GRID1: variants seen among roughly 807,000 people sequenced by gnomAD.
The protein encoded by GRID1 is glutamate receptor ionotropic, delta-1.
GRID1 carries 28 observed loss-of-function variants against 98.0 expected under a neutral mutation model. The observed-to-expected ratio is 0.29, with a 90% CI of 0.21 to 0.39. The LOEUF (loss-of-function observed/expected upper bound fraction) is 0.39. Among genes scored for constraint, GRID1 ranks in the 10% least tolerant of loss-of-function variants. GRID1 has a pLI of 1.00. For synonymous variants in GRID1, 553 were observed against 538.5 expected, an observed-to-expected ratio of 1.03 and a Z score of -0.37; for missense variants, 1,111 against 1,340.5, an observed-to-expected ratio of 0.83 and a Z score of 2.67.
At chr10:86,241,866 G>T (rs532859471) in intron 2 of GRID1, among the ~76,000 whole-genome samples, 1 of 152,094 alleles carries the variant, frequency 6.6e-6, no homozygotes, top group Non-Finnish European at 1.5e-5. Flanking sequence ...TCAGAGCCCC[G>T]GGTATTTTGC....
intron 4 of GRID1, among the ~76,000 whole-genome samples, chr10:86,025,340 C>T (rs1038910936): frequency 2.0e-5 from 3 of 152,222 alleles, no homozygotes; most frequent in African/African-American, 7.2e-5. Context: ...GCTATCAAAA[C>T]TATGCAGCTC....
chr10:85,828,134 A>G (rs1288761364), intron 8 of GRID1, among the ~76,000 whole-genome samples: 1 of 152,178 alleles, frequency 6.6e-6, no homozygotes, highest in African/African-American at 2.4e-5. Context: ...TAAGAAAATC[A>G]TTCAAAAACC....
chr10:85,733,417 G>C (rs1212773685), intron 8 of GRID1, among the ~76,000 whole-genome samples: 1 of 152,198 alleles, frequency 6.6e-6, no homozygotes, highest in Admixed American at 6.5e-5. Flanking sequence ...TGTAACTGGA[G>C]AAGAAGATGG....
At chr10:85,638,730 C>G in intron 13 of GRID1, among the ~76,000 whole-genome samples, 1 of 152,082 alleles carries the variant, frequency 6.6e-6, no homozygotes, top group Non-Finnish European at 1.5e-5. Flanking sequence ...GAATATAAAT[C>G]AGCAATGAGA....
intron 4 of GRID1, among the ~76,000 whole-genome samples, chr10:86,042,275 G>T (rs1429967346): frequency 6.6e-6 from 1 of 152,222 alleles, no homozygotes; most frequent in African/African-American, 2.4e-5. Flanking sequence ...TCAGCTGAGA[G>T]AAGTCAGCCT....
At chr10:86,335,571 A>G (rs1381964733) in intron 2 of GRID1, among the ~76,000 whole-genome samples, 3 of 152,320 alleles carry the variant, frequency 2.0e-5, no homozygotes, top group East Asian at 1.9e-4. Flanking sequence ...ACAGAATTCA[A>G]TCTGGGACAT....
intron 8 of GRID1, among the ~76,000 whole-genome samples, chr10:85,839,299 T>C (rs1112487): frequency 0.15 from 22,491 of 152,170 alleles, 1,934 homozygotes; most frequent in African/African-American, 0.21. Flanking sequence ...AACTTATGGA[T>C]ATCTACAGAC....
chr10:86,030,181 A>C (rs1843167358), intron 4 of GRID1, among the ~76,000 whole-genome samples: 1 of 152,256 alleles, frequency 6.6e-6, no homozygotes, highest in African/African-American at 2.4e-5. Context: ...TATGTAAAGA[A>C]GGTTATAAAG....
At chr10:86,305,934 C>T (rs1051714341) in intron 2 of GRID1, among the ~76,000 whole-genome samples, 24 of 152,330 alleles carry the variant, frequency 1.6e-4, no homozygotes, top group African/African-American at 3.8e-4. Flanking sequence ...GACCTTGATA[C>T]AAGACATTTA....
chr10:85,744,677 C>A (rs1841981541), intron 8 of GRID1, among the ~76,000 whole-genome samples: 1 of 79,790 alleles, frequency 1.3e-5, no homozygotes, highest in African/African-American at 5.5e-5. Context: ...ACTTCATGTC[C>A]AAAACACCAA....
chr10:85,978,533 T>G (rs1435254873), intron 4 of GRID1, among the ~76,000 whole-genome samples: 1 of 152,100 alleles, frequency 6.6e-6, no homozygotes, highest in African/African-American at 2.4e-5. Flanking sequence ...ACTGATCACA[T>G]TACCAGGAAG....
Position 86,288,788 on chromosome 10 carries a change from G to A in GRID1, c.235+75153C>T, listed in dbSNP as rs115253997. On this transcript the variant is annotated intron_variant, in intron 2 of 15. Transcript: ENST00000327946. Reference sequence around the variant, plus strand: ...TTCAGTGTGCAGAGACGGCCAGAGCGCTTCTATGAGCAGGGCCGACTGGCT... The same window carrying A: ...TTCAGTGTGCAGAGACGGCCAGAGCACTTCTATGAGCAGGGCCGACTGGCT... Among the ~76,000 whole-genome samples, 779 of 152,322 alleles carry A rather than the reference G, an allele frequency of 5.1e-3. 8 individuals carry two copies. The highest frequency in any genetic ancestry group is 0.018 in the African/African-American group (742 of 41,574).
intron 6 of GRID1, among the ~76,000 whole-genome samples, chr10:85,862,132 C>G (rs965328447): frequency 6.6e-6 from 1 of 152,182 alleles, no homozygotes; most frequent in African/African-American, 2.4e-5. Context: ...GGCCTCTGAG[C>G]CTGTGCACAT....
chr10:85,855,425 G>T (rs542821163), intron 7 of GRID1, among the ~76,000 whole-genome samples: 1 of 152,162 alleles, frequency 6.6e-6, no homozygotes, highest in Non-Finnish European at 1.5e-5. Context: ...GCCCAGAAGG[G>T]GCCCTGGCTC....
At position 86,364,244 on chromosome 10, in the gene GRID1, G is replaced by C. The variant is rs1848644634; in HGVS notation, c.80-148C>G. 4 of 647,890 alleles carry C rather than the reference G, an allele frequency of 6.2e-6. No homozygotes were observed. The South Asian group carries it at 7.4e-5, about 12-fold the overall frequency. 40.1% of individuals were successfully genotyped at this position (647,890 alleles called of 1,614,324 possible). A position where few individuals can be genotyped will look rare whatever the true frequency, so the allele number is the denominator to read the frequency against. ...TTTCAGCTTGGCGGGGTAGATTAAG[G>C]CTCTCCGATCTCCACCTGCACAGGA... On this transcript the variant is annotated intron_variant, in intron 1 of 15. Transcript: ENST00000327946.
chr10:86,333,526 T>G (rs1193967468), intron 2 of GRID1, among the ~76,000 whole-genome samples: 3 of 152,208 alleles, frequency 2.0e-5, no homozygotes, highest in Non-Finnish European at 4.4e-5. Flanking sequence ...GAAAGTACAG[T>G]TGACACTTGA....
chr10:86,055,238 T>C (rs532868006), intron 4 of GRID1, among the ~76,000 whole-genome samples: 32 of 152,328 alleles, frequency 2.1e-4, no homozygotes, highest in Non-Finnish European at 4.1e-4. Flanking sequence ...CACTGCATTA[T>C]TATGGCAATA....
intron 5 of GRID1, among the ~76,000 whole-genome samples, chr10:85,894,178 A>G (rs1330359221): frequency 6.6e-6 from 1 of 152,212 alleles, no homozygotes; most frequent in African/African-American, 2.4e-5. Flanking sequence ...CACATACTGA[A>G]GGGCAATTGA....
chr10:86,096,928 C>G (rs540862497), intron 4 of GRID1, among the ~76,000 whole-genome samples: 5 of 152,288 alleles, frequency 3.3e-5, no homozygotes, highest in African/African-American at 1.2e-4. Context: ...TACCATTACC[C>G]CAAGTGACCC....
Sources: allele counts gnomAD v4.1 joint callset (sites outside exome capture counted in the v4.1 genomes callset), GRCh38; gene constraint gnomAD v4.1.1; transcripts MANE v1.5; gene names NCBI Gene and HGNC (gene_info 2026-07-23, HGNC 2026-07-21).